The following ZNF385D variants were observed in gnomAD, a reference collection of about 807,000 sequenced individuals.
ZNF385D encodes zinc finger protein 659.
In ZNF385D, 15 loss-of-function variants were observed where a neutral mutation model predicts 35.8. That is an observed-to-expected ratio of 0.42 (90% CI 0.28 to 0.64). The LOEUF is 0.64. Ranked by LOEUF, ZNF385D falls within the 30% of genes least tolerant of loss-of-function variation. ZNF385D has a pLI of 0.23. For missense variants in ZNF385D, 474 were observed against 494.6 expected (o/e 0.96, Z 0.39); for synonymous variants, 212 against 186.8 (o/e 1.13, Z -1.10).
At chr3:22,073,867 A>C (rs1356515227) in intron 3 of ZNF385D, among the ~76,000 whole-genome samples, 2 of 152,026 alleles carry the variant, frequency 1.3e-5, no homozygotes, top group Non-Finnish European at 2.9e-5. Context: ...TTTATAAAAC[A>C]GCCTTTACGA....
At chr3:22,022,981 A>G (rs369781126) in intron 3 of ZNF385D, among the ~76,000 whole-genome samples, 2 of 152,172 alleles carry the variant, frequency 1.3e-5, no homozygotes, top group African/African-American at 2.4e-5. Context: ...GAGTCTAAAG[A>G]AGGCAAATAA....
chr3:21,457,649 G>A (rs942655664), intron 4 of ZNF385D, among the ~76,000 whole-genome samples: 2 of 151,968 alleles, frequency 1.3e-5, no homozygotes, highest in Admixed American at 6.6e-5. Flanking sequence ...CCACCATGCC[G>A]GGCTGGTTAT....
chr3:21,428,844 C>G (rs377088022), intron 5 of ZNF385D, among the ~76,000 whole-genome samples: 21 of 151,438 alleles, frequency 1.4e-4, no homozygotes, highest in African/African-American at 5.1e-4. Context: ...CTGACAAATA[C>G]CTTCACCTGA....
At chr3:21,446,721 G>A (rs1702176463) in intron 4 of ZNF385D, among the ~76,000 whole-genome samples, 1 of 151,890 alleles carries the variant, frequency 6.6e-6, no homozygotes. Context: ...TCCAATCTCT[G>A]ACCTCAGGTG....
intron 3 of ZNF385D, among the ~76,000 whole-genome samples, chr3:22,063,369 A>G (rs1049452829): frequency 2.0e-5 from 3 of 152,200 alleles, no homozygotes; most frequent in African/African-American, 7.2e-5. Context: ...TAAAATATTA[A>G]TAAAAATTGA....
rs1224440603 is a variant in ZNF385D at position 21,751,063 on chromosome 3, G to A, written c.-147C>T. ...TGAGCGCCGAGAGCGTGCCTCCTCC[G>A]CGGGATGAGCGCCTTGCAGGCTGCC... On this transcript the variant is annotated 5_prime_UTR_variant, in exon 1 of 8. Transcript: ENST00000281523. 4.6e-6 allele frequency: 7 copies of A among 1,523,772 alleles called. No individual in the cohort carries two copies. Among genetic ancestry groups the A allele is most frequent in the East Asian group, 4.8e-5 (2 of 41,508 alleles). The allele number at this position is 1,523,772 out of a possible 1,614,324, so 94.4% of individuals were successfully genotyped here. A position where few individuals can be genotyped will look rare whatever the true frequency, so the allele number is the denominator to read the frequency against.
chr3:21,816,610 A>T (rs932439540), intron 3 of ZNF385D, among the ~76,000 whole-genome samples: 1 of 152,228 alleles, frequency 6.6e-6, no homozygotes, highest in Admixed American at 6.5e-5. Flanking sequence ...TAAGATACCT[A>T]GGAATCCAAC....
chr3:22,050,446 A>T (rs949420010), intron 3 of ZNF385D, among the ~76,000 whole-genome samples: 8 of 152,202 alleles, frequency 5.3e-5, no homozygotes, highest in African/African-American at 1.9e-4. Flanking sequence ...GTTTGGTAGA[A>T]TTAAGCTGTA....
intron 3 of ZNF385D, among the ~76,000 whole-genome samples, chr3:21,918,807 T>G (rs1365440474): frequency 6.6e-6 from 1 of 152,194 alleles, no homozygotes. Context: ...TCATTTTAGT[T>G]AAATTTTCAG....
chr3:21,854,782 TGATA>T (rs1183489937), intron 3 of ZNF385D, among the ~76,000 whole-genome samples: 2 of 152,020 alleles, frequency 1.3e-5, no homozygotes, highest in Non-Finnish European at 2.9e-5. Flanking sequence ...ATTTGTTGAC[TGATA>T]GATTAACTGA....
intron 5 of ZNF385D, among the ~76,000 whole-genome samples, chr3:21,426,881 T>C (rs1250958605): frequency 6.6e-6 from 1 of 152,188 alleles, no homozygotes; most frequent in African/African-American, 2.4e-5. Context: ...AATGATTACA[T>C]TTTACTGAGT....
intron 1 of ZNF385D, among the ~76,000 whole-genome samples, chr3:21,693,035 T>C (rs967201275): frequency 7.9e-5 from 12 of 152,236 alleles, no homozygotes; most frequent in African/African-American, 1.7e-4. Flanking sequence ...TTTCCAGTTA[T>C]ATTTGTGGCA....
At chr3:21,552,652 A>T (rs2062607764) in intron 3 of ZNF385D, among the ~76,000 whole-genome samples, 1 of 152,220 alleles carries the variant, frequency 6.6e-6, no homozygotes, top group Non-Finnish European at 1.5e-5. Context: ...CATATGTGTC[A>T]GCTTATATAG....
rs377740377 is a variant in ZNF385D at position 22,158,567 on chromosome 3, GCTGCTATTTTTGAAAATTACTTTCTGAT to G, written c.325+10222_325+10249del. Among the ~76,000 whole-genome samples, 503 of 152,092 alleles carry G rather than the reference GCTGCTATTTTTGAAAATTACTTTCTGAT, an allele frequency of 3.3e-3. 8 individuals carry two copies. The highest frequency in any genetic ancestry group is 0.012 in the African/African-American group (486 of 41,504). ...AAGGAAAGAGAAGACATGTATCTGG[GCTGCTATTTTTGAAAATTACTTTCTGAT>G]CTCTCCTTGAAAAACTCAAAATTAA... On this transcript the variant is annotated intron_variant, in intron 3 of 5. Transcript: ENST00000494108.
chr3:21,583,825 T>C (rs956588026), intron 2 of ZNF385D, among the ~76,000 whole-genome samples: 1 of 150,986 alleles, frequency 6.6e-6, no homozygotes, highest in Non-Finnish European at 1.5e-5. Flanking sequence ...TTTCCACTTT[T>C]ATGTTTGGTT....
chr3:21,557,000 A>AT (rs2125619782), intron 3 of ZNF385D, among the ~76,000 whole-genome samples: 1 of 152,206 alleles, frequency 6.6e-6, no homozygotes, highest in Non-Finnish European at 1.5e-5. Flanking sequence ...AATGCTTGTG[A>AT]TTTTGGCACA....
chr3:21,959,374 T>C (rs1369678689), intron 3 of ZNF385D, among the ~76,000 whole-genome samples: 2 of 152,090 alleles, frequency 1.3e-5, no homozygotes, highest in East Asian at 3.9e-4. Flanking sequence ...TTTTCATTTG[T>C]CCAGCCAAAA....
chr3:21,744,855 A>T (rs1033467943), intron 1 of ZNF385D, among the ~76,000 whole-genome samples: 1 of 134,802 alleles, frequency 7.4e-6, no homozygotes. Context: ...GTTAAAAAAA[A>T]TAAAAAAAAT....
Position 22,107,431 on chromosome 3 carries a change from A to G in ZNF385D, c.325+61386T>C, listed in dbSNP as rs531449887. Among the ~76,000 whole-genome samples, 156 of 152,236 alleles carry G rather than the reference A, an allele frequency of 1.0e-3. 1 individual carries two copies. The Middle Eastern group carries it at 0.01, about 10-fold the overall frequency. On this transcript the variant is annotated intron_variant, in intron 3 of 5. Coordinates refer to the ZNF385D transcript ENST00000494108. ...CTGTAAAATCATTGATACATGGGGAAAAAAGCAAAGTTTATACATGGAAAT... is the reference window on the plus strand; with the variant it reads ...CTGTAAAATCATTGATACATGGGGAGAAAAGCAAAGTTTATACATGGAAAT...
Sources: gnomAD v4.1 joint callset for allele counts (sites outside exome capture counted in the v4.1 genomes callset) on GRCh38, gnomAD v4.1.1 for gene constraint, MANE v1.5 for transcripts, NCBI Gene and HGNC (gene_info 2026-07-23, HGNC 2026-07-21) for gene names.